Variants in FASTKD1 observed in about 807,000 individuals in gnomAD.
FASTKD1 encodes the protein FAST kinase domain-containing protein 1, mitochondrial.
FASTKD1 carries 94 observed loss-of-function variants against 90.9 expected under a neutral mutation model. The observed-to-expected ratio is 1.03, with a 90% CI of 0.88 to 1.23. The LOEUF (loss-of-function observed/expected upper bound fraction) is 1.23. Among genes scored for constraint, FASTKD1 ranks in the 50% most tolerant of loss-of-function variants. FASTKD1 has a pLI of 0.00. For synonymous variants in FASTKD1, 319 were observed against 345.8 expected (o/e 0.92, Z 0.86); for missense variants, 945 against 993.5 (o/e 0.95, Z 0.66).
intron 4 of FASTKD1, among the ~76,000 whole-genome samples, chr2:169,562,570 A>G (rs894357435): frequency 6.6e-5 from 10 of 152,090 alleles, no homozygotes; most frequent in South Asian, 2.1e-4. Context: ...TCTTGGGTTT[A>G]CTTCATGATA....
At chr2:169,541,974 C>T (rs1684976306) in intron 9 of FASTKD1, among the ~76,000 whole-genome samples, 1 of 152,194 alleles carries the variant, frequency 6.6e-6, no homozygotes, top group South Asian at 2.1e-4. Flanking sequence ...TCTTCCCTAA[C>T]TCTTGACATG....
Position 169,546,527 on chromosome 2 carries a change from A to G in FASTKD1, c.1392T>C (p.His464=). 1 of 1,614,158 alleles carries G rather than the reference A, an allele frequency of 6.2e-7. No homozygotes were observed. The highest frequency in any genetic ancestry group is 1.1e-5 in the South Asian group (1 of 91,086). Residue 464 remains histidine (H), a synonymous_variant, in exon 8 of 15, where the codon CAT becomes CAC. Transcript: ENST00000453153. ...FATSVLRWIQ[H]DHMYLDNMTA... ...TCATATTATCCAAATACATGTGATC[A>G]TGCTGAATCCATCTTAAAACAGATG...
At chr2:169,562,048 TA>T (rs1391452514) in intron 4 of FASTKD1, among the ~76,000 whole-genome samples, 1 of 113,416 alleles carries the variant, frequency 8.8e-6, no homozygotes, top group African/African-American at 3.2e-5. Flanking sequence ...TATTGTAAAT[TA>T]ATTATTTATT....
intron 7 of FASTKD1, among the ~76,000 whole-genome samples, chr2:169,549,233 A>G (rs1266181016): frequency 6.6e-6 from 1 of 152,118 alleles, no homozygotes; most frequent in African/African-American, 2.4e-5. Flanking sequence ...CGTCTCTACT[A>G]AAAATACAAA....
intron 9 of FASTKD1, among the ~76,000 whole-genome samples, chr2:169,542,349 A>G (rs1312196794): frequency 2.0e-5 from 3 of 152,210 alleles, no homozygotes; most frequent in African/African-American, 7.2e-5. Context: ...TCATACTGAC[A>G]AGTACATAGT....
intron 7 of FASTKD1, among the ~76,000 whole-genome samples, chr2:169,551,609 C>T (rs1685492424): frequency 6.6e-6 from 1 of 152,032 alleles, no homozygotes; most frequent in Non-Finnish European, 1.5e-5. Context: ...CCAGCCTGGG[C>T]AACATGGCAA....
At chr2:169,562,619 A>G (rs1683756378) in intron 4 of FASTKD1, among the ~76,000 whole-genome samples, 1 of 151,994 alleles carries the variant, frequency 6.6e-6, no homozygotes, top group Non-Finnish European at 1.5e-5. Flanking sequence ...AGAAACTTCT[A>G]TGTTCTAGAT....
chr2:169,546,856 A>G (rs1427615314), intron 7 of FASTKD1, 152 bp from the exon 8 acceptor site: 4 of 781,090 alleles, frequency 5.1e-6, no homozygotes, highest in Non-Finnish European at 5.9e-6. Context: ...CTCAAACCAC[A>G]ACAATCATCA....
intron 12 of FASTKD1, among the ~76,000 whole-genome samples, chr2:169,534,402 G>A (rs995886349): frequency 1.3e-5 from 2 of 150,500 alleles, no homozygotes; most frequent in South Asian, 2.1e-4. Flanking sequence ...TTGGTATCTC[G>A]AGCTTGGACT....
intron 4 of FASTKD1, among the ~76,000 whole-genome samples, chr2:169,562,217 C>T (rs1683732204): frequency 6.8e-6 from 1 of 146,192 alleles, no homozygotes; most frequent in African/African-American, 2.5e-5. Flanking sequence ...AGTTTTGTTA[C>T]TGTTTTTTTT....
At chr2:169,571,143 C>T in intron 2 of FASTKD1, 1 of 152,760 alleles carries the variant, frequency 6.5e-6, no homozygotes, top group Non-Finnish European at 1.5e-5. Context: ...TTGCAGTGAG[C>T]CAAGATTGTG....
intron 12 of FASTKD1, chr2:169,536,995 A>AC (rs1553535359): frequency 2.2e-3 from 519 of 239,786 alleles, no homozygotes; most frequent in East Asian, 7.2e-3. Flanking sequence ...ACTGACCTTA[A>AC]TTTTTTTTTT....
chr2:169,566,176 T>G (rs1231780589), intron 3 of FASTKD1, among the ~76,000 whole-genome samples: 1 of 152,208 alleles, frequency 6.6e-6, no homozygotes, highest in Non-Finnish European at 1.5e-5. Flanking sequence ...CACCTCAGCC[T>G]TCTGAGTAGC....
At chr2:169,558,643 G>A (rs1323353766) in intron 5 of FASTKD1, among the ~76,000 whole-genome samples, 1 of 151,922 alleles carries the variant, frequency 6.6e-6, no homozygotes, top group East Asian at 1.9e-4. Flanking sequence ...TAGAAACGGG[G>A]TTTCACCATG....
Position 169,569,171 on chromosome 2 carries a change from C to A in FASTKD1, c.446+13G>T. The A allele has an allele frequency of 6.2e-7, 1 of 1,610,546 alleles. No homozygotes were observed. Among genetic ancestry groups the A allele is most frequent in the Non-Finnish European group, 8.5e-7 (1 of 1,176,810 alleles). On this transcript the variant is annotated intron_variant, in intron 3 of 14. Transcript: ENST00000453153. ...AATAACCCTGATCTTCAAGATGAAC[C>A]CAGGGTACTTGCCTTTCTAGCCTTC... is the stretch of plus-strand genomic sequence containing the variant.
At chr2:169,556,828 AAAACAAACAAAC>A (rs140987027) in intron 6 of FASTKD1, among the ~76,000 whole-genome samples, 1 of 148,298 alleles carries the variant, frequency 6.7e-6, no homozygotes, top group South Asian at 2.2e-4. Context: ...CTCTGTCTCA[AAAACAAACAAAC>A]AAACAAACAA....
At chr2:169,564,749 C>G (rs1683874471) in intron 3 of FASTKD1, among the ~76,000 whole-genome samples, 1 of 152,000 alleles carries the variant, frequency 6.6e-6, no homozygotes, top group African/African-American at 2.4e-5. Context: ...TGGTAACCAT[C>G]GTTCTGCTCT....
At chr2:169,538,988 C>T (rs1398387008) in intron 10 of FASTKD1, among the ~76,000 whole-genome samples, 1 of 151,990 alleles carries the variant, frequency 6.6e-6, no homozygotes, top group Non-Finnish European at 1.5e-5. Flanking sequence ...CATATAGGGG[C>T]CAGGTGTGGG....
At chr2:169,567,128 CA>C (rs893918536) in intron 3 of FASTKD1, among the ~76,000 whole-genome samples, 82 of 149,564 alleles carry the variant, frequency 5.5e-4, no homozygotes, top group African/African-American at 1.9e-3. Context: ...AAAAAAAAAA[CA>C]TAAGTTTATA....
Sources: gnomAD v4.1 joint callset for allele counts (sites outside exome capture counted in the v4.1 genomes callset) on GRCh38, gnomAD v4.1.1 for gene constraint, MANE v1.5 for transcripts, NCBI Gene and HGNC (gene_info 2026-07-23, HGNC 2026-07-21) for gene names.